The following SLC9C2 variants were observed in gnomAD, a reference collection of about 807,000 sequenced individuals.
SLC9C2 encodes the protein solute carrier family 9 member C2 (putative), also known as sodium/hydrogen exchanger 11.
SLC9C2 carries 75 observed loss-of-function variants against 140.2 expected under a neutral mutation model. That is an observed-to-expected ratio of 0.53 (90% CI 0.44 to 0.65). The LOEUF is 0.65. Ranked by LOEUF, SLC9C2 falls within the 30% of genes least tolerant of loss-of-function variation. The pLI is 0.00. For missense variants in SLC9C2, 1,074 were observed against 1,331.8 expected (o/e 0.81, Z 3.01); for synonymous variants, 375 against 420.9 (o/e 0.89, Z 1.34).
intron 21 of SLC9C2, among the ~76,000 whole-genome samples, chr1:173,523,551 C>A (rs768604061): frequency 6.6e-6 from 1 of 152,184 alleles, no homozygotes; most frequent in Non-Finnish European, 1.5e-5. Context: ...AGAGCATGAA[C>A]TTGAATACAC....
At chr1:173,586,890 T>C (rs936067213) in intron 5 of SLC9C2, among the ~76,000 whole-genome samples, 2 of 151,558 alleles carry the variant, frequency 1.3e-5, no homozygotes, top group Admixed American at 6.6e-5. Flanking sequence ...GGGGTGGAGG[T>C]GAGGGGAGTG....
At chr1:173,507,466 T>C (rs1021816521) in intron 24 of SLC9C2, among the ~76,000 whole-genome samples, 1 of 152,010 alleles carries the variant, frequency 6.6e-6, no homozygotes, top group African/African-American at 2.4e-5. Context: ...CTCAGAGTCA[T>C]AGACTTTAGA....
rs141358319 is a variant in SLC9C2, at chr1:173,509,558, C to T, written c.3039+10G>A. On this transcript the variant is annotated intron_variant, in intron 24 of 27. Coordinates refer to ENST00000367714, the MANE Select transcript of SLC9C2 (RefSeq NM_178527.4). ...ATTCAATTTATTAATATTTTAATCA[C>T]ATAACTTACCTCATCAATAAGACTT... 2.6e-3 allele frequency: 3,950 copies of T among 1,508,826 alleles called. 106 individuals are homozygous for T. The African/African-American group carries it at 0.05, about 19-fold the overall frequency. The allele number at this position is 1,508,826 out of a possible 1,614,324, so 93.5% of individuals were successfully genotyped here.
intron 15 of SLC9C2, among the ~76,000 whole-genome samples, chr1:173,535,223 C>T (rs949325475): frequency 2.6e-5 from 4 of 151,982 alleles, no homozygotes; most frequent in African/African-American, 9.7e-5. Flanking sequence ...AGGTTAATGA[C>T]CTCTTAAAAT....
At chr1:173,599,662 G>A (rs1416387244) in intron 3 of SLC9C2, among the ~76,000 whole-genome samples, 5 of 151,612 alleles carry the variant, frequency 3.3e-5, no homozygotes, top group Admixed American at 1.3e-4. Context: ...GGAGTGTGGC[G>A]GTGTGATGTC....
intron 21 of SLC9C2, among the ~76,000 whole-genome samples, chr1:173,521,937 C>T (rs571973264): frequency 6.7e-6 from 1 of 148,766 alleles, no homozygotes; most frequent in African/African-American, 2.5e-5. Context: ...CGGTGGCTTA[C>T]GCCTGTAATC....
intron 9 of SLC9C2, among the ~76,000 whole-genome samples, chr1:173,566,306 G>A (rs1303422736): frequency 6.6e-6 from 1 of 152,030 alleles, no homozygotes; most frequent in African/African-American, 2.4e-5. Context: ...GAAGCCATCA[G>A]GTCAGGGCTT....
chr1:173,544,647 C>T (rs1198121789), intron 13 of SLC9C2, among the ~76,000 whole-genome samples: 1 of 152,078 alleles, frequency 6.6e-6, no homozygotes, highest in Non-Finnish European at 1.5e-5. Flanking sequence ...GAAAATGTGG[C>T]ACATATACAA....
At chr1:173,538,973 A>C (rs758383136) in intron 13 of SLC9C2, among the ~76,000 whole-genome samples, 31 of 152,200 alleles carry the variant, frequency 2.0e-4, no homozygotes, top group Non-Finnish European at 3.7e-4. Flanking sequence ...GGCAGGGGAA[A>C]GGGTAAGAAA....
intron 10 of SLC9C2, chr1:173,555,183 C>T (rs2102090960): frequency 5.7e-6 from 1 of 174,876 alleles, no homozygotes; most frequent in Admixed American, 6.1e-5. Flanking sequence ...GCCCAGCAAC[C>T]ACAGGCGGTG....
At chr1:173,558,082 G>A (rs1365586658) in intron 9 of SLC9C2, among the ~76,000 whole-genome samples, 1 of 152,098 alleles carries the variant, frequency 6.6e-6, no homozygotes, top group Admixed American at 6.6e-5. Context: ...TTAAGGGACT[G>A]GCAGTGAGAG....
At chr1:173,590,645 T>G (rs1205978187) in intron 4 of SLC9C2, among the ~76,000 whole-genome samples, 2 of 152,194 alleles carry the variant, frequency 1.3e-5, no homozygotes, top group African/African-American at 4.8e-5. Flanking sequence ...TTTGGAGCTA[T>G]TATAAAGTAA....
rs780556489 is a variant in SLC9C2 at position 173,533,671 on chromosome 1, G to C, written c.2101C>G (p.Leu701Val). 3 of 1,611,648 alleles carry C rather than the reference G, an allele frequency of 1.9e-6. No individual in the cohort carries two copies. Among genetic ancestry groups the C allele is most frequent in the Non-Finnish European group, 2.5e-6 (3 of 1,178,088 alleles). The change falls in exon 17 of 28, where the codon CTT becomes GTT. Residue 701 changes from leucine to valine, a missense_variant. Transcript: ENST00000367714. Reference protein sequence around the residue: ...FVKLRPDNLALIQLTVIMGYL... With the variant: ...FVKLRPDNLAVIQLTVIMGYL... The stretch of plus-strand genomic sequence containing the variant: ...CCCATTATTACTGTAAGCTGTATAA[G>C]AGCCAAGTTGTCTGGTCTCAATTTC...
Position 173,548,386 on chromosome 1 carries a change from C to A in SLC9C2, c.1461+3G>T. The A allele has an allele frequency of 6.2e-7, 1 of 1,610,548 alleles. No individual in the cohort carries two copies. The highest frequency in any genetic ancestry group is 8.5e-7 in the Non-Finnish European group (1 of 1,178,612). Reference sequence around the variant, plus strand: ...AACTACTTTTTGCCAGGTATCAACTCACAGGAATGTATTCGATCCTCGTTT... The same window carrying A: ...AACTACTTTTTGCCAGGTATCAACTAACAGGAATGTATTCGATCCTCGTTT... On this transcript the variant is annotated splice_donor_region_variant and intron_variant, in intron 12 of 27. Transcript: ENST00000367714.
chr1:173,521,107 A>G (rs1030828127), intron 22 of SLC9C2, among the ~76,000 whole-genome samples, 194 bp downstream of exon 22: 2 of 152,214 alleles, frequency 1.3e-5, no homozygotes, highest in Non-Finnish European at 2.9e-5. Context: ...AGACTATGAC[A>G]GCATTTTGTA....
intron 18 of SLC9C2, among the ~76,000 whole-genome samples, chr1:173,528,627 G>C (rs936487024): frequency 1.3e-5 from 2 of 152,060 alleles, no homozygotes; most frequent in African/African-American, 4.8e-5. Context: ...AATAAGTAAA[G>C]AGCCTCTCTT....
In SLC9C2 at chr1:173,602,986, A is replaced by G. The variant is rs1325372815; in HGVS notation, c.-315T>C. The G allele has an allele frequency of 6.6e-6, 1 of 152,216 alleles. No individual in the cohort carries two copies. The highest frequency in any genetic ancestry group is 1.5e-5 in the Non-Finnish European group (1 of 68,058). 9.4% of individuals were successfully genotyped at this position (152,216 alleles called of 1,614,324 possible). On this transcript the variant is annotated 5_prime_UTR_variant, in exon 1 of 28. Transcript: ENST00000367714. Reference sequence around the variant, plus strand: ...TGTTCCTTAAAGATTAAGCTGCTTTAAAGTTGAAATTGAGATGAAGGCTCT... The same window carrying G: ...TGTTCCTTAAAGATTAAGCTGCTTTGAAGTTGAAATTGAGATGAAGGCTCT...
intron 10 of SLC9C2, among the ~76,000 whole-genome samples, 178 bp from the exon 11 acceptor site, chr1:173,554,992 C>A (rs1445586910): frequency 6.6e-6 from 1 of 152,226 alleles, no homozygotes; most frequent in African/African-American, 2.4e-5. Context: ...TGCCTGAACA[C>A]ACTACACTGG....
intron 27 of SLC9C2, among the ~76,000 whole-genome samples, chr1:173,502,400 G>C (rs146962087): frequency 6.7e-6 from 1 of 150,066 alleles, no homozygotes; most frequent in East Asian, 2.0e-4. Context: ...TTCTGCATTT[G>C]TCTAGCACCC....
Sources: allele counts gnomAD v4.1 joint callset (sites outside exome capture counted in the v4.1 genomes callset), GRCh38; gene constraint gnomAD v4.1.1; transcripts MANE v1.5; gene names NCBI Gene and HGNC (gene_info 2026-07-23, HGNC 2026-07-21).